LRRIQ3: variants seen among roughly 807,000 people sequenced by gnomAD.
The protein encoded by LRRIQ3 is leucine rich repeats and IQ motif containing 3.
In LRRIQ3, 75 loss-of-function variants were observed where a neutral mutation model predicts 59.3. The observed-to-expected ratio is 1.26, with a 90% CI of 1.05 to 1.53. The LOEUF (loss-of-function observed/expected upper bound fraction) is 1.53. Ranked by LOEUF, LRRIQ3 falls within the 40% of genes most tolerant of loss-of-function variation. The pLI is 0.00. For missense variants in LRRIQ3, 831 were observed against 710.0 expected (o/e 1.17, Z -1.94); for synonymous variants, 250 against 231.3 (o/e 1.08, Z -0.73).
At chr1:74,092,968 A>G (rs935734870) in intron 5 of LRRIQ3, among the ~76,000 whole-genome samples, 1 of 152,102 alleles carries the variant, frequency 6.6e-6, no homozygotes, top group East Asian at 1.9e-4. Flanking sequence ...TTTGGAAGAG[A>G]GGAAAATGAG....
At chr1:74,177,445 C>A (rs2100713401) in intron 3 of LRRIQ3, among the ~76,000 whole-genome samples, 1 of 152,212 alleles carries the variant, frequency 6.6e-6, no homozygotes, top group Non-Finnish European at 1.5e-5. Flanking sequence ...ATATATCTAT[C>A]TATCCTATTA....
chr1:74,029,633 C>G (rs1653634916), intron 7 of LRRIQ3, among the ~76,000 whole-genome samples: 1 of 152,030 alleles, frequency 6.6e-6, no homozygotes, highest in African/African-American at 2.4e-5. Flanking sequence ...CATCGATGTT[C>G]ACCAGGGATA....
At chr1:74,191,932 C>T (rs957637901) in intron 1 of LRRIQ3, among the ~76,000 whole-genome samples, 1 of 151,812 alleles carries the variant, frequency 6.6e-6, no homozygotes. Context: ...TCATATTTTT[C>T]AAGAAAATTG....
At chr1:74,115,953 A>G (rs1329535965) in intron 4 of LRRIQ3, among the ~76,000 whole-genome samples, 1 of 152,146 alleles carries the variant, frequency 6.6e-6, no homozygotes, top group Non-Finnish European at 1.5e-5. Flanking sequence ...CTTAAAATGC[A>G]TAATGTAAAA....
At chr1:74,126,831 G>A (rs537615664) in intron 4 of LRRIQ3, among the ~76,000 whole-genome samples, 1 of 152,020 alleles carries the variant, frequency 6.6e-6, no homozygotes, top group South Asian at 2.1e-4. Flanking sequence ...AGCAGCCACT[G>A]GATGAAATGC....
intron 6 of LRRIQ3, among the ~76,000 whole-genome samples, chr1:74,067,596 A>G (rs1654902206): frequency 6.6e-6 from 1 of 152,144 alleles, no homozygotes; most frequent in South Asian, 2.1e-4. Context: ...TTCTTCTGTG[A>G]GTTCCATATG....
Position 74,182,799 on chromosome 1 carries a change from A to C in LRRIQ3, c.312T>G (p.Leu104=). The C allele has an allele frequency of 1.2e-6, 2 of 1,608,146 alleles. No individual in the cohort carries two copies. Among genetic ancestry groups the C allele is most frequent in the Non-Finnish European group, 1.7e-6 (2 of 1,176,662 alleles). ...TTAACTTTGCAAACCCATTGTCATG[A>C]AGATAGAGTAGTTTTAGGTTCTTCA... ...NGLKNLKLLY[L]HDNGFAKLKN... Residue 104 remains leucine, a synonymous_variant, in exon 3 of 8, where the codon CTT becomes CTG. Transcript: ENST00000354431.
At chr1:74,148,932 T>G (rs1647748420) in intron 4 of LRRIQ3, among the ~76,000 whole-genome samples, 1 of 152,172 alleles carries the variant, frequency 6.6e-6, no homozygotes, top group Admixed American at 6.5e-5. Flanking sequence ...TTAGTCAACA[T>G]GGTTCCAGGC....
intron 6 of LRRIQ3, among the ~76,000 whole-genome samples, chr1:74,065,239 C>CATAT (rs1368155760): frequency 3.3e-5 from 5 of 152,080 alleles, no homozygotes; most frequent in Non-Finnish European, 5.9e-5. Context: ...CTTATGCTTG[C>CATAT]ATATCTTCAG....
chr1:74,034,320 G>C (rs1230944435), intron 7 of LRRIQ3, among the ~76,000 whole-genome samples: 1 of 151,928 alleles, frequency 6.6e-6, no homozygotes, highest in African/African-American at 2.4e-5. Context: ...AAAACTCAAA[G>C]ATGCCTACTG....
At chr1:74,134,175 T>G (rs2100619066) in intron 4 of LRRIQ3, among the ~76,000 whole-genome samples, 1 of 152,162 alleles carries the variant, frequency 6.6e-6, no homozygotes, top group African/African-American at 2.4e-5. Flanking sequence ...CAAAGAGTAA[T>G]TGTAAAACTG....
chr1:74,177,406 G>A (rs974094232), intron 3 of LRRIQ3, among the ~76,000 whole-genome samples: 3 of 152,030 alleles, frequency 2.0e-5, no homozygotes, highest in African/African-American at 4.8e-5. Flanking sequence ...GATCATGTAA[G>A]TTAATACTTA....
At chr1:74,029,904 A>T (rs1269199130) in intron 7 of LRRIQ3, among the ~76,000 whole-genome samples, 2 of 152,022 alleles carry the variant, frequency 1.3e-5, no homozygotes, top group African/African-American at 4.8e-5. Context: ...AAGAGATTCA[A>T]CTTCTTCCTA....
intron 5 of LRRIQ3, among the ~76,000 whole-genome samples, chr1:74,102,770 A>G (rs1220270052): frequency 6.6e-6 from 1 of 151,928 alleles, no homozygotes; most frequent in Non-Finnish European, 1.5e-5. Flanking sequence ...CTCTCTATTG[A>G]CTTTGGCAAT....
intron 3 of LRRIQ3, among the ~76,000 whole-genome samples, chr1:74,156,067 G>A (rs1436552418): frequency 6.6e-6 from 1 of 152,152 alleles, no homozygotes; most frequent in Non-Finnish European, 1.5e-5. Flanking sequence ...CAATGTTAGA[G>A]ATAGGGGCTT....
intron 7 of LRRIQ3, among the ~76,000 whole-genome samples, chr1:74,041,008 G>T (rs1654026561): frequency 6.6e-6 from 1 of 151,960 alleles, no homozygotes; most frequent in African/African-American, 2.4e-5. Context: ...TTGTTGCACA[G>T]GTGGAGAGAT....
At chr1:74,188,835 G>C (rs889364596) in intron 1 of LRRIQ3, among the ~76,000 whole-genome samples, 5 of 152,120 alleles carry the variant, frequency 3.3e-5, no homozygotes, top group African/African-American at 1.2e-4. Context: ...AAATGACAAA[G>C]TCTCTCCCAT....
intron 6 of LRRIQ3, among the ~76,000 whole-genome samples, chr1:74,072,481 T>C (rs191952354): frequency 6.6e-5 from 10 of 152,060 alleles, no homozygotes; most frequent in Non-Finnish European, 1.5e-4. Flanking sequence ...AATAAAATGC[T>C]TTTGTGCTCA....
intron 3 of LRRIQ3, among the ~76,000 whole-genome samples, chr1:74,177,002 T>G (rs759482746): frequency 6.6e-6 from 1 of 152,226 alleles, no homozygotes; most frequent in Non-Finnish European, 1.5e-5. Flanking sequence ...TTCTGTACTT[T>G]GACTGCAGTA....
Sources: allele counts gnomAD v4.1 joint callset (sites outside exome capture counted in the v4.1 genomes callset), GRCh38; gene constraint gnomAD v4.1.1; transcripts MANE v1.5; gene names NCBI Gene and HGNC (gene_info 2026-07-23, HGNC 2026-07-21).